Variants in ELK3 observed in about 807,000 individuals in gnomAD.
ELK3 encodes ETS transcription factor ELK3.
Under a neutral mutation model 28.9 loss-of-function variants are expected in ELK3, and 10 were observed. That is an observed-to-expected ratio of 0.35 (90% confidence interval 0.21 to 0.59). ELK3 has a LOEUF of 0.59. ELK3 is among the 20% of genes least tolerant of loss of function. The pLI is 0.82. For synonymous variants in ELK3, 272 were observed against 243.5 expected, an observed-to-expected ratio of 1.12 and a Z score of -1.09; for missense variants, 463 against 517.3, an observed-to-expected ratio of 0.90 and a Z score of 1.02.
intron 1 of ELK3, among the ~76,000 whole-genome samples, chr12:96,211,705 T>A (rs1334795098): frequency 1.3e-5 from 2 of 152,202 alleles, no homozygotes; most frequent in Non-Finnish European, 2.9e-5. Flanking sequence ...TTGTAGCTTA[T>A]TTTTGTACGT....
intron 2 of ELK3, among the ~76,000 whole-genome samples, chr12:96,226,373 A>G (rs549459410): frequency 1.5e-4 from 23 of 152,216 alleles, no homozygotes; most frequent in Non-Finnish European, 2.5e-4. Context: ...CTGTTGTATC[A>G]TGTAGACTTT....
chr12:96,261,794 A>G (rs894061418), intron 4 of ELK3, among the ~76,000 whole-genome samples: 53 of 152,272 alleles, frequency 3.5e-4, no homozygotes, highest in African/African-American at 1.3e-3. Flanking sequence ...CCAACAGGAA[A>G]TGATGGTTCA....
intron 2 of ELK3, among the ~76,000 whole-genome samples, chr12:96,229,458 C>A (rs1951725727): frequency 6.6e-6 from 1 of 151,914 alleles, no homozygotes; most frequent in South Asian, 2.1e-4. Context: ...CTTGCAGCAG[C>A]CTCACTCGGA....
chr12:96,261,405 A>T (rs999545542), intron 4 of ELK3, among the ~76,000 whole-genome samples: 3 of 152,200 alleles, frequency 2.0e-5, no homozygotes, highest in Non-Finnish European at 4.4e-5. Context: ...CAATGAGCAA[A>T]TGTTGTATTA....
chr12:96,215,281 C>T (rs1367201347), intron 1 of ELK3, among the ~76,000 whole-genome samples: 2 of 152,152 alleles, frequency 1.3e-5, no homozygotes, highest in Admixed American at 6.5e-5. Flanking sequence ...GTGGGCATTT[C>T]GACTTCTAAG....
At chr12:96,205,251 G>A (rs1565777031) in intron 1 of ELK3, among the ~76,000 whole-genome samples, 1 of 152,226 alleles carries the variant, frequency 6.6e-6, no homozygotes, top group Admixed American at 6.5e-5. Context: ...GATCACCTCA[G>A]CACATCCCAT....
At chr12:96,258,536 T>A (rs1951969349) in intron 3 of ELK3, among the ~76,000 whole-genome samples, 1 of 152,254 alleles carries the variant, frequency 6.6e-6, no homozygotes, top group Non-Finnish European at 1.5e-5. Context: ...TGGTGCAGTC[T>A]GAAAGGCTGG....
chr12:96,247,780 T>G lies in ELK3; in HGVS notation c.1002+46T>G. ...CTAAGCCACAGCCAGCTTCAGTGGC[T>G]TAGCAAAAAAGGAAGAGCAACTAAA... On this transcript the variant is annotated intron_variant, in intron 3 of 4. Coordinates refer to ENST00000228741, the MANE Select transcript of ELK3 (RefSeq NM_005230.4). This position sits in a 1 kb window ranked among gnomAD's most constrained non-coding sequence, Gnocchi z 5.5. The G allele has an allele frequency of 6.8e-7, 1 of 1,465,428 alleles. No individual in the cohort carries two copies. Among genetic ancestry groups the G allele is most frequent in the Non-Finnish European group, 9.0e-7 (1 of 1,111,978 alleles). The allele number at this position is 1,465,428 out of a possible 1,614,324, so 90.8% of individuals were successfully genotyped here.
intron 1 of ELK3, among the ~76,000 whole-genome samples, chr12:96,200,038 C>G (rs557071304): frequency 9.9e-4 from 150 of 152,070 alleles, no homozygotes; most frequent in Admixed American, 3.9e-3. Context: ...AGGTATAAAA[C>G]ACTTATCTAG....
At chr12:96,260,527 C>A (rs978282206) in intron 4 of ELK3, among the ~76,000 whole-genome samples, 2 of 150,560 alleles carry the variant, frequency 1.3e-5, no homozygotes, top group Non-Finnish European at 3.0e-5. Flanking sequence ...GAAGACTTAG[C>A]TGCTTTATCT....
At chr12:96,206,142 C>T (rs1284186495) in intron 1 of ELK3, among the ~76,000 whole-genome samples, 2 of 152,144 alleles carry the variant, frequency 1.3e-5, no homozygotes, top group African/African-American at 4.8e-5. Context: ...GCCTCTGCCA[C>T]ATCCTTTGTG....
intron 1 of ELK3, among the ~76,000 whole-genome samples, chr12:96,195,958 G>T (rs905141865): frequency 2.2e-5 from 3 of 137,742 alleles, no homozygotes; most frequent in East Asian, 2.5e-4. Context: ...CCTCCAGCCT[G>T]GGGGTGGCGG....
At chr12:96,226,643 C>G (rs541082198) in intron 2 of ELK3, among the ~76,000 whole-genome samples, 22 of 152,170 alleles carry the variant, frequency 1.4e-4, no homozygotes, top group African/African-American at 5.3e-4. Flanking sequence ...CCCACTTGCA[C>G]ATACATATCC....
At chr12:96,260,103 T>C (rs1951982176) in intron 4 of ELK3, among the ~76,000 whole-genome samples, 1 of 152,168 alleles carries the variant, frequency 6.6e-6, no homozygotes, top group Admixed American at 6.5e-5. Flanking sequence ...ATATTTTCAT[T>C]TGTCTATGAA....
At chr12:96,202,583 G>A (rs1440708083) in intron 1 of ELK3, among the ~76,000 whole-genome samples, 1 of 144,058 alleles carries the variant, frequency 6.9e-6, no homozygotes, top group Non-Finnish European at 1.5e-5. Context: ...CTGGAGTGCA[G>A]TGGCACCATC....
chr12:96,201,580 CAAAAAA>C (rs11298632), intron 1 of ELK3, among the ~76,000 whole-genome samples: 2 of 82,926 alleles, frequency 2.4e-5, no homozygotes, highest in African/African-American at 4.9e-5. Flanking sequence ...AACCCTGTCT[CAAAAAA>C]AAAAAAAAAA....
rs984380505 is a variant in ELK3 at position 96,194,667 on chromosome 12, C to G, written c.-41C>G. 6.6e-5 allele frequency: 10 copies of G among 151,046 alleles called. No individual in the cohort carries two copies. Among genetic ancestry groups the G allele is most frequent in the African/African-American group, 2.4e-4 (10 of 41,310 alleles). The allele number at this position is 151,046 out of a possible 1,614,324, so 9.4% of individuals were successfully genotyped here. A position where few individuals can be genotyped will look rare whatever the true frequency, so the allele number is the denominator to read the frequency against. ...AGTCGGGGGCTTTCGCCCGGGTCCTCCTAGAAATTCCCCCCGAAGAAGACT... is the reference window on the plus strand; with the variant it reads ...AGTCGGGGGCTTTCGCCCGGGTCCTGCTAGAAATTCCCCCCGAAGAAGACT... On this transcript the variant is annotated 5_prime_UTR_variant, in exon 1 of 5. Coordinates refer to ENST00000228741, the MANE Select transcript of ELK3 (RefSeq NM_005230.4).
intron 2 of ELK3, among the ~76,000 whole-genome samples, chr12:96,232,891 C>A (rs2137022440): frequency 6.6e-6 from 1 of 152,186 alleles, no homozygotes. Context: ...TCACTTGAGC[C>A]CAGGAAGTAG....
At chr12:96,203,490 T>C (rs1951519568) in intron 1 of ELK3, among the ~76,000 whole-genome samples, 1 of 152,204 alleles carries the variant, frequency 6.6e-6, no homozygotes. Context: ...ACTCAATGAA[T>C]TAAAAATAAT....
Sources: allele counts gnomAD v4.1 joint callset (sites outside exome capture counted in the v4.1 genomes callset), GRCh38; gene constraint gnomAD v4.1.1; non-coding constraint Gnocchi (gnomAD v3.1); transcripts MANE v1.5; gene names NCBI Gene and HGNC (gene_info 2026-07-23, HGNC 2026-07-21).